The following SCYL3 variants were observed in gnomAD, a reference collection of about 807,000 sequenced individuals.
SCYL3 encodes SCY1 like pseudokinase 3, also known as protein-associating with the carboxyl-terminal domain of ezrin.
In SCYL3, 35 loss-of-function variants were observed where a neutral mutation model predicts 73.8. That is an observed-to-expected ratio of 0.47 (90% CI 0.36 to 0.63). The LOEUF (loss-of-function observed/expected upper bound fraction) is 0.63. SCYL3 is among the 20% of genes least tolerant of loss of function. The pLI is 0.00. For missense variants in SCYL3, 712 were observed against 798.9 expected (o/e 0.89, Z 1.31); for synonymous variants, 277 against 295.2 (o/e 0.94, Z 0.63).
intron 10 of SCYL3, among the ~76,000 whole-genome samples, chr1:169,861,346 ATT>A (rs1317177334): frequency 1.3e-5 from 2 of 152,016 alleles, no homozygotes; most frequent in Admixed American, 1.3e-4. Context: ...CTGGCCAGCC[ATT>A]TAAGAAGTCC....
chr1:169,875,497 C>T (rs1473441732), intron 4 of SCYL3, among the ~76,000 whole-genome samples: 2 of 152,154 alleles, frequency 1.3e-5, no homozygotes, highest in African/African-American at 4.8e-5. Flanking sequence ...ACTAAGATAC[C>T]ATGTATGAAA....
chr1:169,866,782 T>G, intron 8 of SCYL3, 114 bp downstream of exon 8: 2 of 672,014 alleles, frequency 3.0e-6, no homozygotes, highest in Non-Finnish European at 5.2e-6. Flanking sequence ...TAGGAAATGT[T>G]CAATAAATGT....
chr1:169,893,520 G>A (rs1406002478), intron 1 of SCYL3, among the ~76,000 whole-genome samples: 2 of 152,142 alleles, frequency 1.3e-5, no homozygotes, highest in Non-Finnish European at 2.9e-5. Flanking sequence ...CCGCCTTGGA[G>A]AGCTCTGGCC....
chr1:169,873,625 G>A (rs758433453), intron 5 of SCYL3, 71 bp downstream of exon 5: 116 of 990,226 alleles, frequency 1.2e-4, no homozygotes, highest in Non-Finnish European at 1.7e-4. Flanking sequence ...GTAAGCAGAG[G>A]AAAGTTTTTT....
At chr1:169,858,342 A>G (rs1299831120) in intron 11 of SCYL3, among the ~76,000 whole-genome samples, 1 of 152,198 alleles carries the variant, frequency 6.6e-6, no homozygotes, top group East Asian at 1.9e-4. Context: ...ACACAGGGTC[A>G]AGATCATCAA....
intron 3 of SCYL3, 89 bp from the exon 4 acceptor site, chr1:169,876,180 C>T (rs1162342687): frequency 1.4e-6 from 1 of 702,102 alleles, no homozygotes; most frequent in African/African-American, 1.9e-5. Flanking sequence ...CCATCTCTCA[C>T]AATCTTTATT....
At chr1:169,883,290 G>A (rs893564000) in intron 2 of SCYL3, among the ~76,000 whole-genome samples, 1 of 152,134 alleles carries the variant, frequency 6.6e-6, no homozygotes, top group African/African-American at 2.4e-5. Context: ...AGATGGTAAT[G>A]CTCGCGTGCC....
At chr1:169,871,834 ACT>A (rs1220873353) in intron 5 of SCYL3, among the ~76,000 whole-genome samples, 1 of 152,210 alleles carries the variant, frequency 6.6e-6, no homozygotes. Context: ...GCCCTAAAGA[ACT>A]GTGGAACTTT....
Position 169,877,829 on chromosome 1 carries a change from T to G in SCYL3, c.351+805A>C, listed in dbSNP as rs557923460. Among the ~76,000 whole-genome samples the G allele has an allele frequency of 6.3e-4, 96 of 152,362 alleles. 1 individual carries two copies. The highest frequency in any genetic ancestry group is 2.3e-3 in the Admixed American group (35 of 15,306). ...GAACCACTAATAATTCTCGTTATCA[T>G]GCGAACTTGTAAATGCACTTTTAAG... On this transcript the variant is annotated intron_variant, in intron 3 of 12. Coordinates refer to ENST00000367771, the MANE Select transcript of SCYL3 (RefSeq NM_020423.7).
chr1:169,868,228 C>A (rs1660170556), intron 7 of SCYL3, among the ~76,000 whole-genome samples: 1 of 152,152 alleles, frequency 6.6e-6, no homozygotes, highest in African/African-American at 2.4e-5. Context: ...CTTCCCTTTG[C>A]TCTGGTTTTT....
rs951305479 is a variant in SCYL3 at position 169,865,724 on chromosome 1, C to T, written c.815+1172G>A. On this transcript the variant is annotated intron_variant, in intron 8 of 12. Coordinates refer to ENST00000367771, the MANE Select transcript of SCYL3 (RefSeq NM_020423.7). ...CAATGCACTCTCACTGCTGGAACAG[C>T]TCTTGCTAAGATAAAGTTACCAGTG... Among the ~76,000 whole-genome samples the T allele has an allele frequency of 3.9e-5, 6 of 152,346 alleles. 1 individual carries two copies. The South Asian group carries it at 1.2e-3, about 32-fold the overall frequency.
intron 8 of SCYL3, among the ~76,000 whole-genome samples, chr1:169,864,748 T>A (rs910897511): frequency 6.6e-6 from 1 of 151,964 alleles, no homozygotes; most frequent in Admixed American, 6.6e-5. Context: ...TCACTTGAGG[T>A]CAGGAGTTTG....
At chr1:169,892,347 T>TTC (rs1480797006) in intron 1 of SCYL3, among the ~76,000 whole-genome samples, 1 of 152,176 alleles carries the variant, frequency 6.6e-6, no homozygotes, top group Admixed American at 6.5e-5. Flanking sequence ...TAACCTGGAA[T>TTC]TCCTGGGCTC....
intron 11 of SCYL3, 44 bp downstream of exon 11, chr1:169,858,996 TA>T: frequency 5.1e-6 from 8 of 1,565,810 alleles, no homozygotes; most frequent in South Asian, 3.4e-5. Flanking sequence ...ACTAAAAATC[TA>T]AAAAAATGAC....
At position 169,852,680 on chromosome 1, in the gene SCYL3, G is replaced by T; in HGVS notation, c.*1033C>A. ...TTTTGGGGTGCATCCTCCTACCCTTGTGATCCAATGACTAGAATAAAATTT... is the reference window on the plus strand; with the variant it reads ...TTTTGGGGTGCATCCTCCTACCCTTTTGATCCAATGACTAGAATAAAATTT... On this transcript the variant is annotated 3_prime_UTR_variant, in exon 13 of 13. Transcript: ENST00000367771. 1 of 1,135,482 alleles carries T rather than the reference G, an allele frequency of 8.8e-7. No individual in the cohort carries two copies. Among genetic ancestry groups the T allele is most frequent in the South Asian group, 1.5e-5 (1 of 67,638 alleles). The allele number at this position is 1,135,482 out of a possible 1,614,324, so 70.3% of individuals were successfully genotyped here.
Position 169,853,622 on chromosome 1 carries a change from G to C in SCYL3, c.*91C>G, listed in dbSNP as rs552675785. ...GGGATGGGAAAAGCAGGCCACTTTGGGGTTTTCTTGTCCCAAAGCCTGCTT... is the reference window on the plus strand; with the variant it reads ...GGGATGGGAAAAGCAGGCCACTTTGCGGTTTTCTTGTCCCAAAGCCTGCTT... On this transcript the variant is annotated 3_prime_UTR_variant, in exon 13 of 13. Coordinates refer to ENST00000367771, the MANE Select transcript of SCYL3 (RefSeq NM_020423.7). 2.8e-5 allele frequency: 38 copies of C among 1,370,514 alleles called. 1 individual carries two copies. The South Asian group carries it at 4.5e-4, about 16-fold the overall frequency. 84.9% of individuals were successfully genotyped at this position (1,370,514 alleles called of 1,614,324 possible). A position where few individuals can be genotyped will look rare whatever the true frequency, so the allele number is the denominator to read the frequency against.
At chr1:169,854,239 G>C (rs1206930864) in intron 12 of SCYL3, 31 bp downstream of exon 12, 8 of 1,509,976 alleles carry the variant, frequency 5.3e-6, no homozygotes, top group Non-Finnish European at 7.1e-6. Flanking sequence ...CCTAAAGCTA[G>C]TAGCACAGTT....
rs1558126909 is a variant in SCYL3 at position 169,866,889 on chromosome 1, A to G, written c.815+7T>C. On this transcript the variant is annotated splice_region_variant and intron_variant, in intron 8 of 12. Transcript: ENST00000367771. ...TTCAATTTAAATTCTTAATTTTCTG[A>G]ACTTACTTAAAGAATTCCGTTTTCT... The G allele has an allele frequency of 6.9e-7, 1 of 1,455,656 alleles. No homozygotes were observed. Among genetic ancestry groups the G allele is most frequent in the African/African-American group, 1.4e-5 (1 of 71,196 alleles). 90.2% of individuals were successfully genotyped at this position (1,455,656 alleles called of 1,614,324 possible).
chr1:169,868,789 T>G (rs868173860), intron 7 of SCYL3, 139 bp downstream of exon 7: 5 of 574,814 alleles, frequency 8.7e-6, no homozygotes, highest in Non-Finnish European at 1.6e-5. Context: ...GTGGACATGA[T>G]TCAATCTCTC....
Sources: gnomAD v4.1 joint callset for allele counts (sites outside exome capture counted in the v4.1 genomes callset) on GRCh38, gnomAD v4.1.1 for gene constraint, MANE v1.5 for transcripts, NCBI Gene and HGNC (gene_info 2026-07-23, HGNC 2026-07-21) for gene names.